ELMO1: variants seen among roughly 807,000 people sequenced by gnomAD.
ELMO1 encodes the protein engulfment and cell motility 1.
A neutral mutation model predicts 98.9 loss-of-function variants in ELMO1; 26 were observed. That is an observed-to-expected ratio of 0.26 (90% confidence interval 0.19 to 0.36). ELMO1 has a LOEUF of 0.36. Among genes scored for constraint, ELMO1 ranks in the 10% least tolerant of loss-of-function variants. The pLI is 1.00. For synonymous variants in ELMO1, 346 were observed against 346.0 expected (o/e 1.00, Z 0.00); for missense variants, 627 against 935.2 (o/e 0.67, Z 4.30).
chr7:37,127,088 A>G (rs1228363796), intron 14 of ELMO1, among the ~76,000 whole-genome samples: 1 of 152,208 alleles, frequency 6.6e-6, no homozygotes, highest in Admixed American at 6.5e-5. Context: ...ATGACTGACA[A>G]TAGGTTCTGA....
At position 37,076,443 on chromosome 7, in the gene ELMO1, C is replaced by T. The variant is rs540328464; in HGVS notation, c.1300+20176G>A. Among the ~76,000 whole-genome samples the T allele has an allele frequency of 6.6e-5, 10 of 152,330 alleles. No homozygotes were observed. The South Asian group carries it at 2.1e-3, about 32-fold the overall frequency. ...AGAATAAAGGTTCAGGAAACGGTCT[C>T]TTTTGCCCATCTCACCAGCCACGAT... On this transcript the variant is annotated intron_variant, in intron 15 of 21. Transcript: ENST00000310758.
intron 13 of ELMO1, among the ~76,000 whole-genome samples, chr7:37,153,110 C>G (rs761954459): frequency 7.9e-5 from 12 of 152,144 alleles, no homozygotes; most frequent in Non-Finnish European, 1.5e-4. Context: ...AACAAGTAGG[C>G]ACTTCGGGAA....
chr7:37,080,600 A>ATTTTTTTT (rs764259726), intron 15 of ELMO1, among the ~76,000 whole-genome samples: 79 of 105,214 alleles, frequency 7.5e-4, no homozygotes, highest in East Asian at 8.2e-4. Flanking sequence ...ACCACGCCTA[A>ATTTTTTTT]TTTTTTTTTT....
intron 16 of ELMO1, among the ~76,000 whole-genome samples, chr7:36,967,969 T>C (rs1159191068): frequency 6.6e-6 from 1 of 152,236 alleles, no homozygotes; most frequent in Non-Finnish European, 1.5e-5. Flanking sequence ...AAATTTTTGT[T>C]TTAGTAAGTT....
chr7:36,997,634 A>T (rs1457593772), intron 16 of ELMO1, among the ~76,000 whole-genome samples: 2 of 152,176 alleles, frequency 1.3e-5, no homozygotes, highest in African/African-American at 4.8e-5. Flanking sequence ...AGCTTTGGAC[A>T]TCCCGAGTTT....
chr7:36,969,768 G>A (rs1038001554), intron 16 of ELMO1, among the ~76,000 whole-genome samples: 3 of 152,152 alleles, frequency 2.0e-5, no homozygotes, highest in African/African-American at 7.2e-5. Flanking sequence ...GCTACATCTA[G>A]TAAAGGATGA....
intron 13 of ELMO1, among the ~76,000 whole-genome samples, chr7:37,147,911 AAGTTGTACTAACTTCCGTTGTT>A (rs1451034013): frequency 3.3e-5 from 5 of 151,664 alleles, no homozygotes; most frequent in African/African-American, 9.7e-5. Context: ...ACTGAGATGG[AAGTTGTACTAACTTCCGTTGTT>A]AGTTGGACTA....
At chr7:36,958,121 T>C (rs1167357604) in intron 16 of ELMO1, among the ~76,000 whole-genome samples, 1 of 152,220 alleles carries the variant, frequency 6.6e-6, no homozygotes, top group Non-Finnish European at 1.5e-5. Context: ...ACCCCATTCA[T>C]GGCTTCACTT....
chr7:37,256,984 T>C (rs1795700338), intron 6 of ELMO1, among the ~76,000 whole-genome samples: 1 of 152,232 alleles, frequency 6.6e-6, no homozygotes, highest in South Asian at 2.1e-4. Flanking sequence ...TAGCTTAGCA[T>C]ATTCATATGC....
At chr7:37,037,588 T>C (rs892272724) in intron 15 of ELMO1, among the ~76,000 whole-genome samples, 2 of 152,124 alleles carry the variant, frequency 1.3e-5, no homozygotes, top group Non-Finnish European at 2.9e-5. Context: ...GGACTGACAA[T>C]AAAGTCAAGT....
intron 2 of ELMO1, among the ~76,000 whole-genome samples, chr7:37,339,196 T>C (rs559437425): frequency 2.0e-5 from 3 of 152,360 alleles, no homozygotes; most frequent in Non-Finnish European, 4.4e-5. Context: ...CTGGTGCTTA[T>C]CACAGATGCA....
chr7:37,080,600 A>ATTTTTTTTTTTTTTTTT (rs764259726), intron 15 of ELMO1, among the ~76,000 whole-genome samples: 4 of 105,236 alleles, frequency 3.8e-5, no homozygotes, highest in South Asian at 3.4e-4. Flanking sequence ...ACCACGCCTA[A>ATTTTTTTTTTTTTTTTT]TTTTTTTTTT....
At chr7:37,151,907 G>A (rs1259732045) in intron 13 of ELMO1, among the ~76,000 whole-genome samples, 2 of 152,100 alleles carry the variant, frequency 1.3e-5, no homozygotes, top group Non-Finnish European at 2.9e-5. Flanking sequence ...CTTCAGTTTT[G>A]TTTTAGCCCA....
At chr7:36,999,404 A>T (rs1792472370) in intron 16 of ELMO1, among the ~76,000 whole-genome samples, 2 of 152,168 alleles carry the variant, frequency 1.3e-5, no homozygotes, top group Non-Finnish European at 2.9e-5. Context: ...CAACTCCATG[A>T]CGATCAGTCT....
chr7:37,347,728 C>CT (rs1286109893), intron 1 of ELMO1, among the ~76,000 whole-genome samples: 1 of 152,034 alleles, frequency 6.6e-6, no homozygotes, highest in African/African-American at 2.4e-5. Context: ...TCCCGTATGT[C>CT]TTTATTAGCA....
At chr7:37,196,675 G>T (rs979019037) in intron 13 of ELMO1, among the ~76,000 whole-genome samples, 3 of 152,196 alleles carry the variant, frequency 2.0e-5, no homozygotes, top group Non-Finnish European at 4.4e-5. Context: ...TCCCATGAGT[G>T]TCTGAACCTG....
chr7:37,244,314 G>A (rs1048564911), intron 7 of ELMO1, 42 bp downstream of exon 7: 2 of 1,601,432 alleles, frequency 1.2e-6, no homozygotes, highest in South Asian at 2.2e-5. Context: ...AGGAAAGTAG[G>A]AAGGGTTAAA....
At chr7:36,897,579 G>A (rs1344654533) in intron 16 of ELMO1, among the ~76,000 whole-genome samples, 1 of 152,160 alleles carries the variant, frequency 6.6e-6, no homozygotes, top group Non-Finnish European at 1.5e-5. Context: ...GTAGGAGAAG[G>A]AAGCTGGATG....
chr7:36,884,527 G>C (rs1162042967), intron 18 of ELMO1, among the ~76,000 whole-genome samples: 2 of 152,104 alleles, frequency 1.3e-5, no homozygotes, highest in Admixed American at 1.3e-4. Context: ...GATTGCCCGA[G>C]GCTACCCAGC....
Sources: allele counts gnomAD v4.1 joint callset (sites outside exome capture counted in the v4.1 genomes callset), GRCh38; gene constraint gnomAD v4.1.1; transcripts MANE v1.5; gene names NCBI Gene and HGNC (gene_info 2026-07-23, HGNC 2026-07-21).